The following APBB2 variants were observed in gnomAD, a reference collection of about 807,000 sequenced individuals.
The protein encoded by APBB2 is Fe65-like 1.
In APBB2, 38 loss-of-function variants were observed where a neutral mutation model predicts 82.5. That is an observed-to-expected ratio of 0.46 (90% CI 0.36 to 0.60). The LOEUF (loss-of-function observed/expected upper bound fraction) is 0.60. Among genes scored for constraint, APBB2 ranks in the 20% least tolerant of loss-of-function variants. APBB2 has a pLI of 0.00. For synonymous variants in APBB2, 341 were observed against 368.2 expected, an observed-to-expected ratio of 0.93 and a Z score of 0.85; for missense variants, 772 against 972.3, an observed-to-expected ratio of 0.79 and a Z score of 2.74.
At chr4:40,840,168 G>A (rs1324285110) in intron 12 of APBB2, among the ~76,000 whole-genome samples, 2 of 152,142 alleles carry the variant, frequency 1.3e-5, no homozygotes, top group African/African-American at 4.8e-5. Context: ...AGGACAAAGG[G>A]CTTTCTCTCC....
intron 4 of APBB2, among the ~76,000 whole-genome samples, chr4:41,039,284 G>A (rs1720446494): frequency 6.6e-6 from 1 of 152,146 alleles, no homozygotes; most frequent in African/African-American, 2.4e-5. Context: ...TTCAAGTAGT[G>A]GACCCCTTCC....
chr4:40,953,296 C>CAAA (rs35104971), intron 6 of APBB2, among the ~76,000 whole-genome samples: 3 of 95,296 alleles, frequency 3.1e-5, no homozygotes, highest in Non-Finnish European at 4.1e-5. Context: ...AACTCCATCT[C>CAAA]AAAAAAAAAA....
chr4:41,131,988 C>T (rs1025590325), intron 2 of APBB2, among the ~76,000 whole-genome samples: 2 of 151,800 alleles, frequency 1.3e-5, no homozygotes, highest in Non-Finnish European at 2.9e-5. Flanking sequence ...TGCAGTGAGT[C>T]AAGACTGCAC....
At chr4:40,895,331 A>T (rs1773362629) in intron 10 of APBB2, among the ~76,000 whole-genome samples, 1 of 152,252 alleles carries the variant, frequency 6.6e-6, no homozygotes, top group East Asian at 1.9e-4. Flanking sequence ...GAAACCAAAA[A>T]GAGAAGGCAG....
At chr4:41,165,738 C>T (rs1766352506) in intron 1 of APBB2, among the ~76,000 whole-genome samples, 2 of 152,008 alleles carry the variant, frequency 1.3e-5, no homozygotes, top group African/African-American at 4.8e-5. Context: ...TTTTACAACA[C>T]AGTTCAGTCC....
chr4:41,054,412 A>C (rs1727116378), intron 4 of APBB2, among the ~76,000 whole-genome samples: 1 of 152,106 alleles, frequency 6.6e-6, no homozygotes, highest in South Asian at 2.1e-4. Flanking sequence ...ATCACAATTT[A>C]CTGTCGAGGC....
chr4:40,949,674 C>G (rs1363769312), intron 6 of APBB2, among the ~76,000 whole-genome samples: 1 of 152,056 alleles, frequency 6.6e-6, no homozygotes, highest in South Asian at 2.1e-4. Context: ...GTTTCAATCT[C>G]TTTTGTTCTC....
At chr4:41,058,920 A>C (rs929506262) in intron 4 of APBB2, among the ~76,000 whole-genome samples, 8 of 152,162 alleles carry the variant, frequency 5.3e-5, no homozygotes, top group African/African-American at 1.9e-4. Context: ...CACAAGAAAT[A>C]AATCCCTGGG....
At chr4:41,149,459 G>A (rs1197717558) in intron 1 of APBB2, among the ~76,000 whole-genome samples, 1 of 151,910 alleles carries the variant, frequency 6.6e-6, no homozygotes, top group Non-Finnish European at 1.5e-5. Flanking sequence ...TGGGATGCAG[G>A]GGAAAGGGCT....
At chr4:41,177,386 C>G (rs1261625948) in intron 1 of APBB2, among the ~76,000 whole-genome samples, 1 of 152,180 alleles carries the variant, frequency 6.6e-6, no homozygotes, top group African/African-American at 2.4e-5. Context: ...GTATCAAGAA[C>G]TACCATGCTT....
chr4:40,874,931 G>A (rs536883498), intron 12 of APBB2, among the ~76,000 whole-genome samples: 7 of 152,258 alleles, frequency 4.6e-5, no homozygotes, highest in East Asian at 1.9e-4. Flanking sequence ...CACAAACAGC[G>A]TTTTAAAAGT....
chr4:41,186,559 G>C (rs1772963255), intron 1 of APBB2, among the ~76,000 whole-genome samples: 1 of 151,650 alleles, frequency 6.6e-6, no homozygotes, highest in Non-Finnish European at 1.5e-5. Flanking sequence ...AAAAAATGCA[G>C]AGTCTATACA....
intron 12 of APBB2, chr4:40,880,266 T>C (rs998146296): frequency 1.7e-5 from 17 of 985,340 alleles, no homozygotes; most frequent in Non-Finnish European, 2.0e-5. Context: ...ATGAGACTCC[T>C]TGAGTTCCAC....
intron 12 of APBB2, chr4:40,880,943 G>A (rs148242699): frequency 6.1e-6 from 6 of 980,266 alleles, no homozygotes; most frequent in African/African-American, 5.2e-5. Flanking sequence ...GGACAGGACC[G>A]CCATGAACGA....
At chr4:40,937,132 G>C (rs1785569872) in intron 7 of APBB2, among the ~76,000 whole-genome samples, 1 of 152,154 alleles carries the variant, frequency 6.6e-6, no homozygotes, top group Non-Finnish European at 1.5e-5. Flanking sequence ...AGCAATATTT[G>C]TTGTTAAGTT....
chr4:40,849,759 G>A (rs576859901), intron 12 of APBB2, among the ~76,000 whole-genome samples: 48 of 128,918 alleles, frequency 3.7e-4, no homozygotes, highest in Non-Finnish European at 5.1e-4. Context: ...ACAGAGTCTC[G>A]CTCTGTCACC....
intron 3 of APBB2, among the ~76,000 whole-genome samples, chr4:41,100,257 A>G (rs572542308): frequency 1.3e-3 from 203 of 152,346 alleles, no homozygotes; most frequent in African/African-American, 4.7e-3. Flanking sequence ...AGAACCAAAA[A>G]GCCTATCCAA....
chr4:40,873,632 G>A lies in APBB2; in HGVS notation c.1529+16732C>T, dbSNP rs1343483451. 3.3e-5 allele frequency among the ~76,000 whole-genome samples: 5 copies of A among 152,322 alleles called. No homozygotes were observed. In the East Asian group the frequency reaches 9.6e-4, roughly 29 times the overall value. ...TGCTGCTACTCTTCGCAATGAGATCGCTGGTGGTGGAGGAAACTGGTTTGG... is the reference window on the plus strand; with the variant it reads ...TGCTGCTACTCTTCGCAATGAGATCACTGGTGGTGGAGGAAACTGGTTTGG... On this transcript the variant is annotated intron_variant, in intron 12 of 17. Coordinates refer to ENST00000508593, the MANE Select transcript of APBB2 (RefSeq NM_004307.2).
At chr4:40,913,883 C>T (rs1325089728) in intron 10 of APBB2, among the ~76,000 whole-genome samples, 2 of 151,992 alleles carry the variant, frequency 1.3e-5, no homozygotes, top group African/African-American at 4.8e-5. Context: ...GTAAGTCATT[C>T]AGGGGTGAGT....
Sources: allele counts gnomAD v4.1 joint callset (sites outside exome capture counted in the v4.1 genomes callset), GRCh38; gene constraint gnomAD v4.1.1; transcripts MANE v1.5; gene names NCBI Gene and HGNC (gene_info 2026-07-23, HGNC 2026-07-21).